TSNARE1: variants seen among roughly 807,000 people sequenced by gnomAD.
TSNARE1 encodes the protein t-SNARE domain-containing protein 1.
A neutral mutation model predicts 62.0 loss-of-function variants in TSNARE1; 49 were observed. That is an observed-to-expected ratio of 0.79 (90% CI 0.63 to 1.00). TSNARE1 has a LOEUF of 1.00. Among genes scored for constraint, TSNARE1 ranks in the 50% least tolerant of loss-of-function variants. The probability of loss-of-function intolerance (pLI) is 0.00; values close to 1 mark genes in which losing one functional copy is unlikely to be tolerated. For missense variants in TSNARE1, 755 were observed against 700.1 expected, an observed-to-expected ratio of 1.08 and a Z score of -0.88; for synonymous variants, 328 against 294.4, an observed-to-expected ratio of 1.11 and a Z score of -1.17.
chr8:142,357,208 C>A (rs185335689), intron 1 of TSNARE1, among the ~76,000 whole-genome samples: 40 of 152,336 alleles, frequency 2.6e-4, no homozygotes, highest in Middle Eastern at 3.4e-3. Context: ...AGAGCTCACT[C>A]GAGCTGGTTA....
chr8:142,298,980 A>C (rs2131275709), intron 10 of TSNARE1, among the ~76,000 whole-genome samples: 1 of 152,344 alleles, frequency 6.6e-6, no homozygotes, highest in African/African-American at 2.4e-5. Context: ...GCATCTCAGC[A>C]GCAGCAAAGG....
rs149672057 is a variant in TSNARE1 at position 142,331,816 on chromosome 8, G to C, written c.761C>G (p.Pro254Arg). 1.6e-5 allele frequency: 26 copies of C among 1,608,346 alleles called. No homozygotes were observed. The highest frequency in any genetic ancestry group is 2.0e-5 in the Non-Finnish European group (24 of 1,177,546). Residue 254 changes from proline (P) to arginine (R), a missense_variant, in exon 5 of 14, where the codon CCG becomes CGG. By Grantham distance (103) the Pro-to-Arg change is moderately radical. Transcript: ENST00000524325. Reference protein sequence around the residue: ...LEPPRATQVDPCNLQELFQEM... With the variant: ...LEPPRATQVDRCNLQELFQEM... Reference sequence around the variant, plus strand: ...CTGGAACAGCTCCTGGAGGTTGCACGGATCGACCTGGGTGGCTGGGAGAAG... The same window carrying C: ...CTGGAACAGCTCCTGGAGGTTGCACCGATCGACCTGGGTGGCTGGGAGAAG...
chr8:142,246,023 A>G (rs974224279), intron 12 of TSNARE1, among the ~76,000 whole-genome samples: 16 of 152,194 alleles, frequency 1.1e-4, no homozygotes, highest in African/African-American at 3.9e-4. Context: ...AAACATGCTA[A>G]TTCCGCAATT....
At chr8:142,274,385 T>C (rs66519482) in intron 12 of TSNARE1, 205,193 of 985,340 alleles carry the variant, frequency 0.21, 21,937 homozygotes, top group Middle Eastern at 0.25. Flanking sequence ...TCTGAGCCAC[T>C]GACCTGCCCC....
chr8:142,223,027 C>T (rs1586767966), intron 13 of TSNARE1, among the ~76,000 whole-genome samples: 1 of 48,036 alleles, frequency 2.1e-5, no homozygotes, highest in Non-Finnish European at 4.0e-5. Context: ...CACTCAGCCA[C>T]TCACTCATTC....
At chr8:142,398,455 CAG>C (rs1225164377) in intron 1 of TSNARE1, among the ~76,000 whole-genome samples, 2 of 152,070 alleles carry the variant, frequency 1.3e-5, no homozygotes, top group Non-Finnish European at 2.9e-5. Flanking sequence ...ACAACCCCAG[CAG>C]AGTCAGCTCC....
chr8:142,341,592 A>G (rs1832596513), intron 4 of TSNARE1, among the ~76,000 whole-genome samples: 1 of 152,170 alleles, frequency 6.6e-6, no homozygotes, highest in Non-Finnish European at 1.5e-5. Context: ...AGGCTAGGAC[A>G]GCACAAGGTA....
At chr8:142,366,617 A>G (rs919747412) in intron 1 of TSNARE1, among the ~76,000 whole-genome samples, 1 of 152,208 alleles carries the variant, frequency 6.6e-6, no homozygotes, top group African/African-American at 2.4e-5. Context: ...ATGAAAACAC[A>G]AGAAGCTGTC....
At position 142,273,191 on chromosome 8, in the gene TSNARE1, TTCA is replaced by T. The variant is rs1211259305; in HGVS notation, c.1446+1587_1446+1589del. 296 of 932,570 alleles carry T rather than the reference TTCA, an allele frequency of 3.2e-4. No individual in the cohort carries two copies. The African/African-American group carries it at 3.5e-3, about 11-fold the overall frequency. 57.8% of individuals were successfully genotyped at this position (932,570 alleles called of 1,614,324 possible). A position where few individuals can be genotyped will look rare whatever the true frequency, so the allele number is the denominator to read the frequency against. ...CACTGCCCTCCTTTCCTCCTCCTCC[TTCA>T]CCTCCTCCTCTTCCTCACTGTCCCA... On this transcript the variant is annotated intron_variant, in intron 12 of 13. Coordinates refer to ENST00000524325, the MANE Select transcript of TSNARE1 (RefSeq NM_145003.5).
At chr8:142,231,880 C>T (rs1166849241) in intron 12 of TSNARE1, among the ~76,000 whole-genome samples, 2 of 152,244 alleles carry the variant, frequency 1.3e-5, no homozygotes, top group African/African-American at 4.8e-5. Flanking sequence ...GCCCCGTGCA[C>T]TTGGAGTTAC....
chr8:142,359,009 G>C (rs2130837837), intron 1 of TSNARE1, among the ~76,000 whole-genome samples: 1 of 152,092 alleles, frequency 6.6e-6, no homozygotes. Flanking sequence ...CTCAGCTCTT[G>C]CTGCGCCCCT....
At chr8:142,373,857 G>A (rs367741375) in intron 1 of TSNARE1, among the ~76,000 whole-genome samples, 20 of 152,256 alleles carry the variant, frequency 1.3e-4, no homozygotes, top group Middle Eastern at 6.8e-3. Flanking sequence ...GGAGAGGGAC[G>A]GCCAGGGAGG....
At chr8:142,233,537 C>T (rs370478015) in intron 12 of TSNARE1, among the ~76,000 whole-genome samples, 3 of 152,200 alleles carry the variant, frequency 2.0e-5, no homozygotes, top group Non-Finnish European at 4.4e-5. Flanking sequence ...GACAACATCT[C>T]AGCAACGGGG....
At chr8:142,389,122 G>A (rs1837307978) in intron 1 of TSNARE1, among the ~76,000 whole-genome samples, 1 of 152,138 alleles carries the variant, frequency 6.6e-6, no homozygotes, top group African/African-American at 2.4e-5. Context: ...AATGATTTTA[G>A]ACAATGGTTC....
intron 2 of TSNARE1, among the ~76,000 whole-genome samples, chr8:142,353,349 G>A (rs1315188627): frequency 2.6e-5 from 4 of 152,152 alleles, no homozygotes; most frequent in Admixed American, 6.5e-5. Context: ...CACAGCAGAC[G>A]CTGTATCAAT....
At chr8:142,227,592 G>C (rs1816902639) in intron 13 of TSNARE1, among the ~76,000 whole-genome samples, 1 of 152,256 alleles carries the variant, frequency 6.6e-6, no homozygotes, top group Non-Finnish European at 1.5e-5. Context: ...CAGGATTTTA[G>C]TAGCAAGACC....
intron 13 of TSNARE1, among the ~76,000 whole-genome samples, chr8:142,222,051 A>G (rs1310927675): frequency 1.3e-5 from 2 of 148,498 alleles, no homozygotes; most frequent in South Asian, 2.2e-4. Flanking sequence ...TCATCCACTC[A>G]CTCACTCACT....
At chr8:142,243,312 C>T (rs1586830154) in intron 12 of TSNARE1, among the ~76,000 whole-genome samples, 1 of 152,178 alleles carries the variant, frequency 6.6e-6, no homozygotes, top group Non-Finnish European at 1.5e-5. Context: ...CCATGTTTAT[C>T]GCTGCCCTAT....
Position 142,275,447 on chromosome 8 carries a change from C to A in TSNARE1, c.1364-584G>T, listed in dbSNP as rs947034036. 28 of 985,162 alleles carry A rather than the reference C, an allele frequency of 2.8e-5. No individual in the cohort carries two copies. The African/African-American group carries it at 4.5e-4, about 16-fold the overall frequency. 61.0% of individuals were successfully genotyped at this position (985,162 alleles called of 1,614,324 possible). On this transcript the variant is annotated intron_variant, in intron 11 of 13. Coordinates refer to ENST00000524325, the MANE Select transcript of TSNARE1 (RefSeq NM_145003.5). ...GGCTCGGTGGCTGCAGCAGTGCCACCCAGGGAAGCCACATCAGCAGGGCCC... is the reference window on the plus strand; with the variant it reads ...GGCTCGGTGGCTGCAGCAGTGCCACACAGGGAAGCCACATCAGCAGGGCCC...
Sources: allele counts gnomAD v4.1 joint callset (sites outside exome capture counted in the v4.1 genomes callset), GRCh38; gene constraint gnomAD v4.1.1; transcripts MANE v1.5; gene names NCBI Gene and HGNC (gene_info 2026-07-23, HGNC 2026-07-21).